The following TBCD variants were observed in gnomAD, a reference collection of about 807,000 sequenced individuals.
TBCD encodes tubulin folding cofactor D.
Under a neutral mutation model 169.3 loss-of-function variants are expected in TBCD, and 105 were observed. The observed-to-expected ratio is 0.62, with a 90% CI of 0.53 to 0.73. The LOEUF (loss-of-function observed/expected upper bound fraction) is 0.73, where lower values mean the gene tolerates loss of function less well. Ranked by LOEUF, TBCD falls within the 30% of genes least tolerant of loss-of-function variation. The probability of loss-of-function intolerance (pLI) is 0.00; values close to 1 mark genes in which losing one functional copy is unlikely to be tolerated. For synonymous variants in TBCD, 700 were observed against 643.9 expected, an observed-to-expected ratio of 1.09 and a Z score of -1.32; for missense variants, 1,444 against 1,600.1, an observed-to-expected ratio of 0.90 and a Z score of 1.66.
At chr17:82,830,821 G>A (rs1475213229) in intron 13 of TBCD, 3 of 1,613,240 alleles carry the variant, frequency 1.9e-6, no homozygotes, top group African/African-American at 1.3e-5. Context: ...CGCGGCCTCC[G>A]AGACGAGAGA....
At position 82,922,079 on chromosome 17, in the gene TBCD, T is replaced by C. The variant is rs982421245; in HGVS notation, c.2178+502T>C. 4.6e-5 allele frequency among the ~76,000 whole-genome samples: 7 copies of C among 152,190 alleles called. No individual in the cohort carries two copies. Among genetic ancestry groups the C allele is most frequent in the African/African-American group, 1.2e-4 (5 of 41,432 alleles). ...CAGGTGGACTTTGGACTCACAGAGC[T>C]GTAACGCTGATCTCATTGCATAGAT... is the stretch of plus-strand genomic sequence containing the variant. On this transcript the variant is annotated intron_variant, in intron 25 of 38. Transcript: ENST00000355528. The surrounding 1 kb of genome is among the most constrained non-coding windows in gnomAD (Gnocchi z 4.1).
intron 14 of TBCD, among the ~76,000 whole-genome samples, chr17:82,876,681 G>A (rs552852716): frequency 2.0e-5 from 3 of 152,210 alleles, no homozygotes; most frequent in Non-Finnish European, 4.4e-5. Flanking sequence ...TTGGGAGTCT[G>A]TGTTTAGTTA....
intron 6 of TBCD, among the ~76,000 whole-genome samples, chr17:82,777,778 C>T (rs1036426883): frequency 7.9e-5 from 12 of 152,156 alleles, no homozygotes; most frequent in African/African-American, 2.4e-4. Flanking sequence ...TAACTGCGGG[C>T]GAGCCTGACT....
In TBCD at chr17:82,831,427, C is replaced by T. The variant is rs778933111; in HGVS notation, c.1318+16493C>T. The T allele has an allele frequency of 9.9e-6, 16 of 1,613,964 alleles. No homozygotes were observed. The highest frequency in any genetic ancestry group is 1.6e-4 in the Middle Eastern group (1 of 6,084). On this transcript the variant is annotated intron_variant, in intron 13 of 38. Transcript: ENST00000355528. The surrounding 1 kb of genome is among the most constrained non-coding windows in gnomAD (Gnocchi z 4.6). ...TTCAAGCAGGTGAGAGCTCTGATCT[C>T]GGGTGAGGCCAGTGACAGGTGGGAG...
intron 13 of TBCD, among the ~76,000 whole-genome samples, chr17:82,826,843 A>G (rs1287139402): frequency 1.3e-5 from 2 of 151,758 alleles, no homozygotes; most frequent in Admixed American, 6.6e-5. Flanking sequence ...TAGTGTGATC[A>G]TGGCTCACTA....
At chr17:82,916,776 T>A (rs1390501340) in intron 23 of TBCD, among the ~76,000 whole-genome samples, 1 of 152,158 alleles carries the variant, frequency 6.6e-6, no homozygotes, top group Non-Finnish European at 1.5e-5. Flanking sequence ...CCTTTGTGTT[T>A]ATCTGACTTG....
In TBCD at chr17:82,907,967, G is replaced by C. The variant is rs1238855661; in HGVS notation, c.1983+146G>C. 17 of 821,578 alleles carry C rather than the reference G, an allele frequency of 2.1e-5. No individual in the cohort carries two copies. The East Asian group carries it at 4.6e-4, about 22-fold the overall frequency. 50.9% of individuals were successfully genotyped at this position (821,578 alleles called of 1,614,324 possible). A position where few individuals can be genotyped will look rare whatever the true frequency, so the allele number is the denominator to read the frequency against. The stretch of plus-strand genomic sequence containing the variant: ...GGGCTCAGTGGGGGACCTGCGGTGT[G>C]ATCACTCTGGGAACAGGCTCTCTGC... On this transcript the variant is annotated intron_variant, in intron 21 of 38. Transcript: ENST00000355528.
rs59665880 is a variant in TBCD, at chr17:82,890,656, C to T, written c.1563+959C>T. ...AGTGGTGTGGGCGGCTTTCTGTAGA[C>T]GGAGCCCAGGAAGGGGCGTGACTAC... is the stretch of plus-strand genomic sequence containing the variant. On this transcript the variant is annotated intron_variant, in intron 16 of 38. Transcript: ENST00000355528. This position sits in a 1 kb window ranked among gnomAD's most constrained non-coding sequence, Gnocchi z 5.3. Among the ~76,000 whole-genome samples the T allele has an allele frequency of 0.028, 4,242 of 152,198 alleles. 208 individuals are homozygous for T. The highest frequency in any genetic ancestry group is 0.096 in the African/African-American group (3,982 of 41,502).
rs2055705140 is a variant in TBCD at position 82,850,574 on chromosome 17, GCTGCTGTTGGCTGTC to G, written c.1319-19646_1319-19632del. On this transcript the variant is annotated intron_variant, in intron 13 of 38. Coordinates refer to ENST00000355528, the MANE Select transcript of TBCD (RefSeq NM_005993.5). ...TGTTGGCTGTGCTGTTGTTGGCTGT[GCTGCTGTTGGCTGTC>G]CTGTTGTTGGCTGTGCTGTTGTTGG... 6.3e-5 allele frequency among the ~76,000 whole-genome samples: 9 copies of G among 143,694 alleles called. 1 individual carries two copies. The highest frequency in any genetic ancestry group is 3.4e-4 in the Admixed American group (5 of 14,496). 94.3% of individuals were successfully genotyped at this position (143,694 alleles called of 152,430 possible).
intron 14 of TBCD, among the ~76,000 whole-genome samples, chr17:82,875,242 C>T (rs987534030): frequency 1.3e-5 from 2 of 152,182 alleles, no homozygotes; most frequent in Admixed American, 6.5e-5. Flanking sequence ...TCCTCAGTGT[C>T]GCACACGGGT....
chr17:82,925,680 G>A (rs780699009), intron 27 of TBCD, among the ~76,000 whole-genome samples: 9 of 152,212 alleles, frequency 5.9e-5, no homozygotes, highest in Non-Finnish European at 1.3e-4. Flanking sequence ...CCTGTGTGGC[G>A]GGTGGGCCTC....
chr17:82,937,422 G>A (rs1442578263), intron 35 of TBCD, 62 bp downstream of exon 35: 6 of 1,478,710 alleles, frequency 4.1e-6, no homozygotes, highest in Non-Finnish European at 5.7e-6. Context: ...CTTGGCTGAG[G>A]GCAGGAGTCC....
At chr17:82,855,596 CTCTT>C (rs957088965) in intron 13 of TBCD, among the ~76,000 whole-genome samples, 4 of 152,194 alleles carry the variant, frequency 2.6e-5, no homozygotes, top group African/African-American at 7.2e-5. Flanking sequence ...AGTCATTTCT[CTCTT>C]TCTGTGTGTA....
intron 32 of TBCD, chr17:82,929,731 C>T (rs2147313639): frequency 1.5e-6 from 1 of 648,132 alleles, no homozygotes; most frequent in Non-Finnish European, 2.7e-6. Flanking sequence ...CAGCGCCACT[C>T]TCTTCCTGCG....
At chr17:82,924,577 G>A (rs1421641572) in intron 26 of TBCD, among the ~76,000 whole-genome samples, 1 of 152,132 alleles carries the variant, frequency 6.6e-6, no homozygotes, top group Non-Finnish European at 1.5e-5. Flanking sequence ...CGTCAAAAGT[G>A]TGTGAATCAC....
At chr17:82,940,213 G>GCA (rs767644055) in intron 37 of TBCD, among the ~76,000 whole-genome samples, 3 of 34,342 alleles carry the variant, frequency 8.7e-5, no homozygotes, top group Admixed American at 6.3e-4. Context: ...ATGCTCACTT[G>GCA]CACGCGCGCA....
chr17:82,848,296 C>T (rs958715891), intron 13 of TBCD, among the ~76,000 whole-genome samples: 3 of 152,160 alleles, frequency 2.0e-5, no homozygotes, highest in African/African-American at 4.8e-5. Context: ...AGCGTCCTGT[C>T]GCTCCCTCCT....
intron 14 of TBCD, among the ~76,000 whole-genome samples, chr17:82,872,295 G>A (rs914775653): frequency 5.5e-4 from 83 of 152,230 alleles, no homozygotes; most frequent in African/African-American, 1.9e-3. Flanking sequence ...GGAGAGTGTG[G>A]CTTACCTGAG....
chr17:82,911,850 G>A lies in TBCD; in HGVS notation c.2038+61G>A, dbSNP rs577169387. ...TTTGCCGCAGCCATCGTTGAGGGAG[G>A]TGTGCTCGTGGCGTGCAGGGCGGCC... On this transcript the variant is annotated intron_variant, in intron 23 of 38. Coordinates refer to ENST00000355528, the MANE Select transcript of TBCD (RefSeq NM_005993.5). The A allele has an allele frequency of 6.3e-6, 10 of 1,593,572 alleles. No homozygotes were observed. In the African/African-American group the frequency reaches 1.2e-4, roughly 19 times the overall value.
Sources: allele counts gnomAD v4.1 joint callset (sites outside exome capture counted in the v4.1 genomes callset), GRCh38; gene constraint gnomAD v4.1.1; non-coding constraint Gnocchi (gnomAD v3.1); transcripts MANE v1.5; gene names NCBI Gene and HGNC (gene_info 2026-07-23, HGNC 2026-07-21).